ARSB: variants seen among roughly 807,000 people sequenced by gnomAD.
The protein encoded by ARSB is N-acetylgalactosamine-4-sulfatase.
ARSB carries 41 observed loss-of-function variants against 50.9 expected under a neutral mutation model. The ratio of observed to expected loss-of-function variants is 0.81; its 90% CI spans 0.63 to 1.04. The LOEUF (loss-of-function observed/expected upper bound fraction) is 1.04. Ranked by LOEUF, ARSB falls within the 50% of genes least tolerant of loss-of-function variation. ARSB has a pLI of 0.00. For synonymous variants in ARSB, 269 were observed against 284.8 expected, an observed-to-expected ratio of 0.94 and a Z score of 0.56; for missense variants, 672 against 693.3, an observed-to-expected ratio of 0.97 and a Z score of 0.35.
At chr5:78,934,762 C>G (rs1750504142) in intron 4 of ARSB, among the ~76,000 whole-genome samples, 2 of 152,056 alleles carry the variant, frequency 1.3e-5, no homozygotes, top group African/African-American at 4.8e-5. Context: ...CGCCACTGCA[C>G]TACGGCCTGG....
At chr5:78,851,191 G>A (rs1438825389) in intron 5 of ARSB, among the ~76,000 whole-genome samples, 1 of 152,092 alleles carries the variant, frequency 6.6e-6, no homozygotes. Context: ...TCTCTTGTGG[G>A]CATTCAGTGC....
chr5:78,983,891 C>G (rs981501378), intron 1 of ARSB, among the ~76,000 whole-genome samples: 1 of 152,140 alleles, frequency 6.6e-6, no homozygotes, highest in Non-Finnish European at 1.5e-5. Flanking sequence ...GCACAGTAAG[C>G]TCAAAATATT....
intron 5 of ARSB, among the ~76,000 whole-genome samples, chr5:78,852,178 T>C (rs1745836994): frequency 6.6e-6 from 1 of 152,246 alleles, no homozygotes; most frequent in Non-Finnish European, 1.5e-5. Flanking sequence ...CAATTTGGCA[T>C]GATTTTGCAG....
intron 4 of ARSB, among the ~76,000 whole-genome samples, chr5:78,938,077 G>A (rs569240213): frequency 1.3e-5 from 2 of 152,274 alleles, no homozygotes. Flanking sequence ...CTGGCAGGAG[G>A]CCTGCCCATG....
At chr5:78,856,892 T>C (rs1048110489) in intron 5 of ARSB, among the ~76,000 whole-genome samples, 12 of 152,218 alleles carry the variant, frequency 7.9e-5, no homozygotes, top group Admixed American at 2.0e-4. Flanking sequence ...AAGTATAGCA[T>C]TGTCTTTGGG....
At chr5:78,937,154 C>T (rs548005651) in intron 4 of ARSB, among the ~76,000 whole-genome samples, 6 of 151,548 alleles carry the variant, frequency 4.0e-5, no homozygotes, top group African/African-American at 1.5e-4. Context: ...TAAATGTGAC[C>T]TTCAAAATGG....
At chr5:78,810,115 C>A (rs989579830) in intron 6 of ARSB, among the ~76,000 whole-genome samples, 5 of 152,152 alleles carry the variant, frequency 3.3e-5, no homozygotes, top group African/African-American at 1.2e-4. Context: ...TTTCCCGACC[C>A]CCGCAAGCTT....
chr5:78,935,935 TCC>T (rs1750564402), intron 4 of ARSB, among the ~76,000 whole-genome samples: 1 of 38,244 alleles, frequency 2.6e-5, no homozygotes, highest in Non-Finnish European at 5.4e-5. Context: ...TCTCCTCCAC[TCC>T]CCTCCCCTCC....
At chr5:78,841,180 A>C (rs375539482) in intron 5 of ARSB, among the ~76,000 whole-genome samples, 1 of 98,166 alleles carries the variant, frequency 1.0e-5, no homozygotes, top group African/African-American at 4.2e-5. Context: ...AATAATAATA[A>C]TAATTTGAGC....
intron 4 of ARSB, among the ~76,000 whole-genome samples, chr5:78,888,724 A>ATAGGAAAAT (rs147893935): frequency 0.18 from 26,761 of 152,032 alleles, 2,703 homozygotes; most frequent in East Asian, 0.46. Context: ...TATGACTCAG[A>ATAGGAAAAT]TAGGAAAATT....
chr5:78,813,700 T>C (rs1482019463), intron 6 of ARSB, among the ~76,000 whole-genome samples: 3 of 151,858 alleles, frequency 2.0e-5, no homozygotes, highest in African/African-American at 7.3e-5. Context: ...AAGGCTGCAG[T>C]GAGCCGAGAG....
chr5:78,834,819 C>G (rs1003550614), intron 6 of ARSB, among the ~76,000 whole-genome samples: 6 of 151,392 alleles, frequency 4.0e-5, no homozygotes, highest in Non-Finnish European at 8.8e-5. Flanking sequence ...ATTGCTGGAT[C>G]CTATGATAAT....
intron 5 of ARSB, among the ~76,000 whole-genome samples, chr5:78,854,690 G>A (rs1746050438): frequency 6.6e-6 from 1 of 152,192 alleles, no homozygotes; most frequent in African/African-American, 2.4e-5. Flanking sequence ...ACTTGTGTGT[G>A]TTTTCATGAG....
chr5:78,850,683 T>C (rs1388445221), intron 5 of ARSB, among the ~76,000 whole-genome samples: 1 of 152,246 alleles, frequency 6.6e-6, no homozygotes, highest in Non-Finnish European at 1.5e-5. Flanking sequence ...TGAATCCAAC[T>C]GGTCTTGGAC....
chr5:78,829,748 G>C (rs371502770), intron 6 of ARSB, among the ~76,000 whole-genome samples: 2 of 152,086 alleles, frequency 1.3e-5, no homozygotes, highest in East Asian at 3.8e-4. Flanking sequence ...TAAAAATTCT[G>C]ACAAGATCAA....
At chr5:78,872,527 G>T (rs1747256747) in intron 5 of ARSB, among the ~76,000 whole-genome samples, 1 of 135,692 alleles carries the variant, frequency 7.4e-6, no homozygotes, top group South Asian at 2.6e-4. Context: ...GGACATGGAT[G>T]AAATTGGAAA....
chr5:78,844,448 A>C (rs1745358403), intron 5 of ARSB, among the ~76,000 whole-genome samples: 1 of 152,138 alleles, frequency 6.6e-6, no homozygotes, highest in Non-Finnish European at 1.5e-5. Context: ...CAAGTCCCTT[A>C]TCTGATACAT....
At chr5:78,785,200 C>T (rs1580966054) in intron 6 of ARSB, among the ~76,000 whole-genome samples, 1 of 151,918 alleles carries the variant, frequency 6.6e-6, no homozygotes, top group Non-Finnish European at 1.5e-5. Context: ...TTTATTATTT[C>T]CCTCCTTTTA....
chr5:78,943,139 C>T lies in ARSB; in HGVS notation c.898+12156G>A, dbSNP rs575888539. On this transcript the variant is annotated intron_variant, in intron 4 of 7. Transcript: ENST00000264914. ...TTTGTTTTTCATTTGCTTGGTAGATCTTCCTCCATCCCTTTATTTTGAGCC... is the reference window on the plus strand; with the variant it reads ...TTTGTTTTTCATTTGCTTGGTAGATTTTCCTCCATCCCTTTATTTTGAGCC... Among the ~76,000 whole-genome samples the T allele has an allele frequency of 1.8e-4, 27 of 152,152 alleles. 1 individual carries two copies. In the South Asian group the frequency reaches 5.4e-3, roughly 30 times the overall value.
Sources: gnomAD v4.1 joint callset for allele counts (sites outside exome capture counted in the v4.1 genomes callset) on GRCh38, gnomAD v4.1.1 for gene constraint, MANE v1.5 for transcripts, NCBI Gene and HGNC (gene_info 2026-07-23, HGNC 2026-07-21) for gene names.